ATAD2: variants seen among roughly 807,000 people sequenced by gnomAD.
The protein encoded by ATAD2 is ATPase family AAA domain containing 2.
In ATAD2, 62 loss-of-function variants were observed where a neutral mutation model predicts 168.9. The ratio of observed to expected loss-of-function variants is 0.37; its 90% CI spans 0.30 to 0.45. The LOEUF is 0.45. Ranked by LOEUF, ATAD2 falls within the 20% of genes least tolerant of loss-of-function variation. ATAD2 has a pLI of 1.00. For missense variants in ATAD2, 1,419 were observed against 1,667.8 expected (o/e 0.85, Z 2.60); for synonymous variants, 613 against 571.6 (o/e 1.07, Z -1.03).
chr8:123,371,068 TTTAAAA>T, intron 5 of ATAD2, 78 bp from the exon 6 acceptor site: 1 of 1,230,180 alleles, frequency 8.1e-7, no homozygotes, highest in Non-Finnish European at 1.1e-6. Flanking sequence ...TCCAATCTTG[TTTAAAA>T]TTAAGATATT....
chr8:123,327,566 T>A (rs989073389), intron 25 of ATAD2, among the ~76,000 whole-genome samples: 1 of 152,058 alleles, frequency 6.6e-6, no homozygotes, highest in African/African-American at 2.4e-5. Flanking sequence ...CAAAATAAAT[T>A]TTTGGCCCCA....
intron 1 of ATAD2, among the ~76,000 whole-genome samples, chr8:123,411,480 G>C (rs1340693699): frequency 6.6e-6 from 1 of 152,158 alleles, no homozygotes; most frequent in Non-Finnish European, 1.5e-5. Context: ...GGCCGACTAA[G>C]AATCCGTAAG....
At chr8:123,360,426 T>TG (rs1828779490) in intron 9 of ATAD2, among the ~76,000 whole-genome samples, 1 of 151,042 alleles carries the variant, frequency 6.6e-6, no homozygotes, top group East Asian at 1.9e-4. Flanking sequence ...GCTGCAATCT[T>TG]CGCCTCCTGG....
intron 8 of ATAD2, among the ~76,000 whole-genome samples, chr8:123,363,471 G>T (rs1031333196): frequency 5.3e-5 from 8 of 152,000 alleles, no homozygotes; most frequent in African/African-American, 1.9e-4. Flanking sequence ...GTTTTCCAAG[G>T]GTTTTGGATA....
chr8:123,325,166 G>A (rs1350417204), intron 26 of ATAD2, among the ~76,000 whole-genome samples: 4 of 144,212 alleles, frequency 2.8e-5, no homozygotes, highest in East Asian at 2.0e-4. Flanking sequence ...GCACGATCTC[G>A]GCTTACTGCA....
chr8:123,330,420 T>A (rs1354926941), intron 24 of ATAD2, among the ~76,000 whole-genome samples: 2 of 152,158 alleles, frequency 1.3e-5, no homozygotes, highest in East Asian at 3.9e-4. Flanking sequence ...GCTGGAGTGC[T>A]GTCACCCAGG....
chr8:123,401,465 G>A (rs761496010), intron 1 of ATAD2: 8 of 1,523,984 alleles, frequency 5.2e-6, no homozygotes, highest in Admixed American at 3.4e-5. Flanking sequence ...CCCACCTCCA[G>A]GTGATTGGGG....
chr8:123,343,079 G>T (rs1040068928), intron 19 of ATAD2, among the ~76,000 whole-genome samples: 5 of 151,812 alleles, frequency 3.3e-5, no homozygotes, highest in African/African-American at 1.2e-4. Flanking sequence ...CCACCTTCCG[G>T]GTTCAAGCGA....
chr8:123,388,412 T>C (rs879095269), intron 1 of ATAD2, among the ~76,000 whole-genome samples: 1 of 152,084 alleles, frequency 6.6e-6, no homozygotes, highest in Non-Finnish European at 1.5e-5. Context: ...TGAGACGGAG[T>C]CTTGCTCTGT....
At chr8:123,334,647 A>C (rs918628895) in intron 22 of ATAD2, among the ~76,000 whole-genome samples, 1 of 152,380 alleles carries the variant, frequency 6.6e-6, no homozygotes, top group African/African-American at 2.4e-5. Flanking sequence ...GAAGGCTATC[A>C]GTGTCATTAG....
chr8:123,324,319 C>T (rs1291518016), intron 26 of ATAD2, among the ~76,000 whole-genome samples: 1 of 152,156 alleles, frequency 6.6e-6, no homozygotes, highest in Non-Finnish European at 1.5e-5. Context: ...TGCCAAAACT[C>T]TTATCTGTAT....
intron 19 of ATAD2, among the ~76,000 whole-genome samples, chr8:123,344,140 A>T (rs1828152537): frequency 6.6e-6 from 1 of 152,182 alleles, no homozygotes; most frequent in African/African-American, 2.4e-5. Flanking sequence ...TCACTGTAAG[A>T]GTCCAGTAGA....
chr8:123,356,587 T>C, intron 12 of ATAD2, 110 bp from the exon 13 acceptor site: 1 of 599,122 alleles, frequency 1.7e-6, no homozygotes, highest in Non-Finnish European at 2.7e-6. Flanking sequence ...ACAGAATTTA[T>C]AAAGCTGAAT....
intron 3 of ATAD2, 68 bp from the exon 4 acceptor site, chr8:123,371,903 A>C: frequency 7.6e-7 from 1 of 1,322,532 alleles, no homozygotes. Context: ...AACAATTCTA[A>C]AATGAACAAT....
At chr8:123,385,061 T>C (rs1050830581) in intron 1 of ATAD2, among the ~76,000 whole-genome samples, 5 of 152,222 alleles carry the variant, frequency 3.3e-5, no homozygotes, top group African/African-American at 1.2e-4. Flanking sequence ...ATGTAATATT[T>C]TTATTTAGGT....
At chr8:123,388,453 G>A (rs1444544527) in intron 1 of ATAD2, among the ~76,000 whole-genome samples, 2 of 152,086 alleles carry the variant, frequency 1.3e-5, no homozygotes, top group Non-Finnish European at 2.9e-5. Flanking sequence ...GAGTGTAGCA[G>A]CACGATCTCA....
At chr8:123,329,636 G>A (rs1361866286) in intron 24 of ATAD2, among the ~76,000 whole-genome samples, 1 of 151,300 alleles carries the variant, frequency 6.6e-6, no homozygotes, top group Non-Finnish European at 1.5e-5. Flanking sequence ...GGTGGCCGGT[G>A]CCTGCAGTCC....
rs148988362 is a variant in ATAD2 at position 123,364,863 on chromosome 8, A to T, written c.1050-3217T>A. 4.4e-3 allele frequency among the ~76,000 whole-genome samples: 668 copies of T among 152,290 alleles called. 6 individuals are homozygous for T. The highest frequency in any genetic ancestry group is 0.014 in the Middle Eastern group (4 of 294). ...TAAAAGCATTCCCTCTGAGAACTGGAACTAGACAAGGATGCCCACTCTCAC... is the reference window on the plus strand; with the variant it reads ...TAAAAGCATTCCCTCTGAGAACTGGTACTAGACAAGGATGCCCACTCTCAC... On this transcript the variant is annotated intron_variant, in intron 8 of 27. Transcript: ENST00000287394.
Position 123,328,410 on chromosome 8 carries a change from T to G in ATAD2, c.3648A>C (p.Gly1216=), listed in dbSNP as rs1020951754. The G allele has an allele frequency of 1.9e-6, 3 of 1,592,282 alleles. No homozygotes were observed. Among genetic ancestry groups the G allele is most frequent in the Non-Finnish European group, 8.5e-7 (1 of 1,170,042 alleles). The part of the protein sequence containing the change: ...QDTSVDHNET[G]NTGESSVEEN... ...CTTCCACCGAAGACTCTCCTGTGTT[T>G]CCGGTCTCATTATGATCTACACTTG... The change falls in exon 25 of 28, where the codon GGA becomes GGC. Residue 1216 remains glycine (G), a synonymous_variant. Coordinates refer to ENST00000287394, the MANE Select transcript of ATAD2 (RefSeq NM_014109.4).
Sources: allele counts gnomAD v4.1 joint callset (sites outside exome capture counted in the v4.1 genomes callset), GRCh38; gene constraint gnomAD v4.1.1; transcripts MANE v1.5; gene names NCBI Gene and HGNC (gene_info 2026-07-23, HGNC 2026-07-21).